The following CNEP1R1 variants were observed in gnomAD, a reference collection of about 807,000 sequenced individuals.
The protein encoded by CNEP1R1 is nuclear envelope phosphatase-regulatory subunit 1.
A neutral mutation model predicts 22.7 loss-of-function variants in CNEP1R1; 10 were observed. The ratio of observed to expected loss-of-function variants is 0.44; its 90% CI spans 0.27 to 0.75. The LOEUF is 0.75. Among genes scored for constraint, CNEP1R1 ranks in the 30% least tolerant of loss-of-function variants. CNEP1R1 has a pLI of 0.17. For synonymous variants in CNEP1R1, 53 were observed against 50.1 expected (o/e 1.06, Z -0.25); for missense variants, 73 against 151.5 (o/e 0.48, Z 2.72).
Position 50,033,498 on chromosome 16 carries a change from AC to A in CNEP1R1, c.275del (p.Pro92HisfsTer4). On this transcript the variant is annotated frameshift_variant, in exon 4 of 6. Transcript: ENST00000427478. LOFTEE classifies it high-confidence loss of function. ...FAGIHKRVVA[P>X]SIIAARCRTV... Reference sequence around the variant, plus strand: ...CTGGAATACACAAGAGAGTAGTTGCACCATCAATGTATCCTTTACCAAGGAT... The same window carrying A: ...CTGGAATACACAAGAGAGTAGTTGCACATCAATGTATCCTTTACCAAGGAT... The A allele has an allele frequency of 6.7e-7, 1 of 1,495,316 alleles. No individual in the cohort carries two copies. Among genetic ancestry groups the A allele is most frequent in the Non-Finnish European group, 9.3e-7 (1 of 1,074,530 alleles). The allele number at this position is 1,495,316 out of a possible 1,614,324, so 92.6% of individuals were successfully genotyped here.
At position 50,025,851 on chromosome 16, in the gene CNEP1R1, G is replaced by T; in HGVS notation, c.25+511G>T. ...CGAAGATCACCTGTACCCCTTCGGAGGGGGCAAGGGGAATGTCTTTCCACA... is the reference window on the plus strand; with the variant it reads ...CGAAGATCACCTGTACCCCTTCGGATGGGGCAAGGGGAATGTCTTTCCACA... On this transcript the variant is annotated intron_variant, in intron 1 of 5. Coordinates refer to ENST00000427478, the MANE Select transcript of CNEP1R1 (RefSeq NM_001281789.2). The T allele has an allele frequency of 7.9e-6, 5 of 633,904 alleles. No individual in the cohort carries two copies. In the South Asian group the frequency reaches 9.2e-5, roughly 12 times the overall value. The allele number at this position is 633,904 out of a possible 1,614,324, so 39.3% of individuals were successfully genotyped here. A position where few individuals can be genotyped will look rare whatever the true frequency, so the allele number is the denominator to read the frequency against.
intron 5 of CNEP1R1, 175 bp downstream of exon 5, chr16:50,034,331 A>T: frequency 1.7e-6 from 1 of 575,062 alleles, no homozygotes; most frequent in Non-Finnish European, 3.1e-6. Flanking sequence ...TGGCATTGAG[A>T]TCCATCTTAC....
In CNEP1R1 at chr16:50,026,469, T is replaced by C. The variant is rs777408049; in HGVS notation, c.97+2T>C. ...AACCTGCTACTGGACGCTGGAGAAG[T>C]AAGTTCCTGAATGTTATTTTAAGGG... On this transcript the variant is annotated splice_donor_variant, in intron 2 of 5. Coordinates refer to ENST00000427478, the MANE Select transcript of CNEP1R1 (RefSeq NM_001281789.2). LOFTEE classifies it high-confidence loss of function. 1 of 1,602,458 alleles carries C rather than the reference T, an allele frequency of 6.2e-7. No individual in the cohort carries two copies. Among genetic ancestry groups the C allele is most frequent in the Non-Finnish European group, 8.5e-7 (1 of 1,172,126 alleles).
At position 50,029,897 on chromosome 16, in the gene CNEP1R1, T is replaced by C. The variant is rs995986677; in HGVS notation, c.171+99T>C. ...AAGTATTCAAACACTACCTATTAAC[T>C]ACTACTAGTGATATTGTCATATTAA... On this transcript the variant is annotated intron_variant, in intron 3 of 5. Transcript: ENST00000427478. 3 of 673,366 alleles carry C rather than the reference T, an allele frequency of 4.5e-6. No homozygotes were observed. The African/African-American group carries it at 5.4e-5, about 12-fold the overall frequency. The allele number at this position is 673,366 out of a possible 1,614,324, so 41.7% of individuals were successfully genotyped here.
At chr16:50,029,562 T>C (rs1460520655) in intron 2 of CNEP1R1, among the ~76,000 whole-genome samples, 163 bp from the exon 3 acceptor site, 1 of 152,252 alleles carries the variant, frequency 6.6e-6, no homozygotes, top group Non-Finnish European at 1.5e-5. Context: ...AGAGAATTCC[T>C]CGAAGCCAGA....
rs1163681368 is a variant in CNEP1R1 at position 50,026,433 on chromosome 16, T to C, written c.63T>C (p.Ile21=). Residue 21 remains isoleucine, a synonymous_variant, in exon 2 of 6, where the codon ATT becomes ATC. Coordinates refer to ENST00000427478, the MANE Select transcript of CNEP1R1 (RefSeq NM_001281789.2). The part of the protein sequence containing the change: ...KAFERRLTEY[I]HCLQPATGRW... The stretch of plus-strand genomic sequence containing the variant: ...TTGAGAGGAGACTTACTGAATATAT[T>C]CATTGTTTGCAACCTGCTACTGGAC... 6.2e-7 allele frequency: 1 copy of C among 1,610,926 alleles called. No homozygotes were observed. The highest frequency in any genetic ancestry group is 1.1e-5 in the South Asian group (1 of 90,288).
chr16:50,026,119 T>G, intron 1 of CNEP1R1: 1 of 440,688 alleles, frequency 2.3e-6, no homozygotes, highest in East Asian at 3.4e-5. Context: ...AGGCTGCTGC[T>G]TATTTCTCCC....
Position 50,025,277 on chromosome 16 carries a change from C to G in CNEP1R1, c.-39C>G, listed in dbSNP as rs751893359. On this transcript the variant is annotated 5_prime_UTR_variant, in exon 1 of 6. Coordinates refer to ENST00000427478, the MANE Select transcript of CNEP1R1 (RefSeq NM_001281789.2). ...GGCGGGGGCCGCGGAAGCTGCGATG[C>G]GGACAGGGCAGCGGCGGTGACCCGA... 2.2e-6 allele frequency: 3 copies of G among 1,390,346 alleles called. No individual in the cohort carries two copies. The highest frequency in any genetic ancestry group is 2.8e-6 in the Non-Finnish European group (3 of 1,076,952). The allele number at this position is 1,390,346 out of a possible 1,614,324, so 86.1% of individuals were successfully genotyped here. A position where few individuals can be genotyped will look rare whatever the true frequency, so the allele number is the denominator to read the frequency against.
chr16:50,034,096 A>T lies in CNEP1R1; in HGVS notation c.282-6A>T. Reference sequence around the variant, plus strand: ...GAGAAATTTTCCTTTGACCACATGTATTCAGTATAGCTGCTCGATGTCGAA... The same window carrying T: ...GAGAAATTTTCCTTTGACCACATGTTTTCAGTATAGCTGCTCGATGTCGAA... On this transcript the variant is annotated splice_polypyrimidine_tract_variant and splice_region_variant and intron_variant, in intron 4 of 5. Transcript: ENST00000427478. The T allele has an allele frequency of 6.3e-7, 1 of 1,590,036 alleles. No homozygotes were observed. The highest frequency in any genetic ancestry group is 8.6e-7 in the Non-Finnish European group (1 of 1,166,388).
intron 2 of CNEP1R1, among the ~76,000 whole-genome samples, chr16:50,028,994 A>G (rs62032976): frequency 0.086 from 13,053 of 152,232 alleles, 666 homozygotes; most frequent in Middle Eastern, 0.14. Flanking sequence ...TCCACATTTG[A>G]AAAATGTATG....
chr16:50,026,635 A>G (rs1597116072), intron 2 of CNEP1R1, 168 bp downstream of exon 2: 2 of 608,396 alleles, frequency 3.3e-6, no homozygotes, highest in Non-Finnish European at 5.8e-6. Context: ...GGCCTTCTCA[A>G]AAGAACAGTC....
intron 1 of CNEP1R1, chr16:50,025,815 C>T: frequency 2.3e-6 from 2 of 856,312 alleles, no homozygotes; most frequent in Non-Finnish European, 3.8e-6. Flanking sequence ...CTAGGCGCTG[C>T]CTGGGTGCCA....
chr16:50,025,532 C>T (rs2036172895), intron 1 of CNEP1R1, 192 bp downstream of exon 1: 9 of 1,120,100 alleles, frequency 8.0e-6, no homozygotes, highest in African/African-American at 1.5e-5. Flanking sequence ...CTCCCTGAGT[C>T]CCCACAAACC....
At chr16:50,030,081 A>G (rs1263111145) in intron 3 of CNEP1R1, among the ~76,000 whole-genome samples, 2 of 151,862 alleles carry the variant, frequency 1.3e-5, no homozygotes, top group African/African-American at 4.8e-5. Flanking sequence ...CATTTTTTTT[A>G]TATCTCTCAT....
intron 4 of CNEP1R1, among the ~76,000 whole-genome samples, 155 bp from the exon 5 acceptor site, chr16:50,033,947 G>A (rs1158788445): frequency 6.7e-6 from 1 of 149,040 alleles, no homozygotes; most frequent in Admixed American, 6.7e-5. Flanking sequence ...GCAGTGGCGC[G>A]ATCTCGGATT....
intron 2 of CNEP1R1, chr16:50,026,745 C>T (rs906429509): frequency 1.2e-5 from 4 of 341,110 alleles, no homozygotes; most frequent in Non-Finnish European, 2.2e-5. Flanking sequence ...GAAGCCCAGG[C>T]AGGCGGATCA....
chr16:50,034,492 G>T, intron 5 of CNEP1R1: 1 of 308,488 alleles, frequency 3.2e-6, no homozygotes, highest in Non-Finnish European at 6.2e-6. Flanking sequence ...GCGGATATTG[G>T]TTTTATAAAC....
intron 3 of CNEP1R1, among the ~76,000 whole-genome samples, chr16:50,031,329 G>C (rs760594345): frequency 1.3e-5 from 2 of 152,184 alleles, no homozygotes; most frequent in African/African-American, 4.8e-5. Context: ...TAAAAGGATA[G>C]GAAGCAAGGG....
rs769400145 is a variant in CNEP1R1 at position 50,025,635 on chromosome 16, C to G, written c.25+295C>G. The G allele has an allele frequency of 4.2e-5, 68 of 1,611,912 alleles. No individual in the cohort carries two copies. Among genetic ancestry groups the G allele is most frequent in the Non-Finnish European group, 4.2e-5 (50 of 1,178,058 alleles). ...TGCATTGCAGCCTGCTAATTCATTT[C>G]ATTTCATTCTCACAGCCCCGCGAGT... is the stretch of plus-strand genomic sequence containing the variant. On this transcript the variant is annotated intron_variant, in intron 1 of 5. Transcript: ENST00000427478.
Sources: allele counts gnomAD v4.1 joint callset (sites outside exome capture counted in the v4.1 genomes callset), GRCh38; gene constraint gnomAD v4.1.1; transcripts MANE v1.5; gene names NCBI Gene and HGNC (gene_info 2026-07-23, HGNC 2026-07-21).